The following SYNDIG1 variants were observed in gnomAD, a reference collection of about 807,000 sequenced individuals.
SYNDIG1 encodes the protein synapse differentiation-inducing gene protein 1.
Under a neutral mutation model 19.4 loss-of-function variants are expected in SYNDIG1, and 9 were observed. The observed-to-expected ratio is 0.46, with a 90% CI of 0.28 to 0.81. SYNDIG1 has a LOEUF of 0.81. SYNDIG1 is among the 30% of genes least tolerant of loss of function. The pLI, the probability that SYNDIG1 is intolerant of heterozygous loss-of-function variation, is 0.12. For missense variants in SYNDIG1, 311 were observed against 343.3 expected (o/e 0.91, Z 0.74); for synonymous variants, 141 against 145.9 (o/e 0.97, Z 0.24).
chr20:24,514,700 A>C (rs962526265), intron 1 of SYNDIG1, among the ~76,000 whole-genome samples: 7 of 152,210 alleles, frequency 4.6e-5, no homozygotes, highest in South Asian at 4.1e-4. Context: ...TCCACTGTCA[A>C]CATTAGACAG....
At chr20:24,534,504 C>T (rs1052969804) in intron 1 of SYNDIG1, among the ~76,000 whole-genome samples, 2 of 152,216 alleles carry the variant, frequency 1.3e-5, no homozygotes, top group African/African-American at 4.8e-5. Context: ...GCAGGGATTT[C>T]CCCCAGCCGG....
intron 1 of SYNDIG1, among the ~76,000 whole-genome samples, chr20:24,473,533 G>A (rs970819918): frequency 2.0e-5 from 3 of 152,112 alleles, no homozygotes; most frequent in Non-Finnish European, 2.9e-5. Flanking sequence ...GAAGTAACCC[G>A]GGCACCAGCT....
At chr20:24,469,983 G>C (rs1038400488) in intron 1 of SYNDIG1, among the ~76,000 whole-genome samples, 1 of 152,322 alleles carries the variant, frequency 6.6e-6, no homozygotes, top group Non-Finnish European at 1.5e-5. Context: ...CAGGGCGGGA[G>C]GGGGAGCTGA....
intron 1 of SYNDIG1, among the ~76,000 whole-genome samples, chr20:24,494,500 A>G (rs541102820): frequency 9.2e-5 from 14 of 152,282 alleles, no homozygotes; most frequent in Non-Finnish European, 1.5e-4. Context: ...GTGGTGGGTG[A>G]ATGGACAGGG....
chr20:24,487,079 G>C (rs1338549345), intron 1 of SYNDIG1, among the ~76,000 whole-genome samples: 1 of 151,926 alleles, frequency 6.6e-6, no homozygotes, highest in East Asian at 1.9e-4. Context: ...TGTGGGGTGG[G>C]GGGTATTTGG....
chr20:24,629,105 G>C (rs966772762), intron 3 of SYNDIG1, among the ~76,000 whole-genome samples: 50 of 152,352 alleles, frequency 3.3e-4, no homozygotes, highest in African/African-American at 1.1e-3. Flanking sequence ...GGAGGTGAAT[G>C]CTCAGCTGAG....
intron 1 of SYNDIG1, among the ~76,000 whole-genome samples, chr20:24,490,530 C>T (rs759863344): frequency 6.6e-6 from 1 of 152,154 alleles, no homozygotes; most frequent in African/African-American, 2.4e-5. Flanking sequence ...CCCTGGCTCG[C>T]CCCTAGCCCT....
intron 2 of SYNDIG1, among the ~76,000 whole-genome samples, chr20:24,550,387 G>GT (rs1159648717): frequency 6.6e-6 from 1 of 152,160 alleles, no homozygotes; most frequent in Non-Finnish European, 1.5e-5. Context: ...TCTATTTGTG[G>GT]TTTTTCTAGG....
At chr20:24,655,940 G>T (rs2059520646) in intron 3 of SYNDIG1, among the ~76,000 whole-genome samples, 1 of 152,208 alleles carries the variant, frequency 6.6e-6, no homozygotes, top group Non-Finnish European at 1.5e-5. Context: ...GCACACACAG[G>T]GGTGAGTCTC....
intron 3 of SYNDIG1, among the ~76,000 whole-genome samples, chr20:24,599,084 T>C (rs906618102): frequency 6.6e-6 from 1 of 152,088 alleles, no homozygotes; most frequent in Non-Finnish European, 1.5e-5. Flanking sequence ...ATTTGCAAAC[T>C]AGACATCTCA....
chr20:24,547,501 A>C (rs1404819789), intron 2 of SYNDIG1, among the ~76,000 whole-genome samples: 1 of 152,050 alleles, frequency 6.6e-6, no homozygotes, highest in African/African-American at 2.4e-5. Flanking sequence ...AGACAGGTAG[A>C]TGTAGGGGAC....
At chr20:24,599,136 A>T (rs2058640382) in intron 3 of SYNDIG1, among the ~76,000 whole-genome samples, 1 of 152,182 alleles carries the variant, frequency 6.6e-6, no homozygotes. Flanking sequence ...TTCAAACAAC[A>T]GGAAAAAAAC....
intron 1 of SYNDIG1, among the ~76,000 whole-genome samples, chr20:24,477,166 C>T (rs115368992): frequency 3.3e-5 from 5 of 152,230 alleles, no homozygotes; most frequent in African/African-American, 1.2e-4. Flanking sequence ...TCTTGGGACA[C>T]AAAAATGAGT....
intron 1 of SYNDIG1, among the ~76,000 whole-genome samples, chr20:24,482,108 T>C (rs887236115): frequency 3.9e-5 from 6 of 151,964 alleles, no homozygotes; most frequent in Non-Finnish European, 8.8e-5. Flanking sequence ...ACTGAGCTCA[T>C]GCCATGGAGA....
chr20:24,569,257 G>C (rs1033119646), intron 2 of SYNDIG1, among the ~76,000 whole-genome samples: 30 of 152,202 alleles, frequency 2.0e-4, no homozygotes, highest in African/African-American at 7.2e-4. Flanking sequence ...TCCAGGCAGC[G>C]TGTGACAGGA....
At chr20:24,632,636 G>A (rs2059261131) in intron 3 of SYNDIG1, among the ~76,000 whole-genome samples, 1 of 152,204 alleles carries the variant, frequency 6.6e-6, no homozygotes, top group Admixed American at 6.5e-5. Flanking sequence ...CAGGACCATA[G>A]GGGTCCCTTT....
chr20:24,571,199 A>C (rs999099229), intron 2 of SYNDIG1, among the ~76,000 whole-genome samples: 4 of 152,218 alleles, frequency 2.6e-5, no homozygotes, highest in Non-Finnish European at 4.4e-5. Flanking sequence ...CTTGGCATAC[A>C]TCTATACATG....
intron 1 of SYNDIG1, among the ~76,000 whole-genome samples, chr20:24,504,521 T>A (rs780248207): frequency 2.6e-5 from 4 of 152,180 alleles, no homozygotes; most frequent in Admixed American, 6.5e-5. Flanking sequence ...ACCCTCACCC[T>A]GGCTCTAGGT....
chr20:24,589,236 C>T (rs967177505), intron 3 of SYNDIG1, among the ~76,000 whole-genome samples: 1 of 152,098 alleles, frequency 6.6e-6, no homozygotes, highest in African/African-American at 2.4e-5. Flanking sequence ...GCAGTGAGTC[C>T]AGAAGGTGGA....
Sources: gnomAD v4.1 joint callset for allele counts (sites outside exome capture counted in the v4.1 genomes callset) on GRCh38, gnomAD v4.1.1 for gene constraint, MANE v1.5 for transcripts, NCBI Gene and HGNC (gene_info 2026-07-23, HGNC 2026-07-21) for gene names.